Variants in IMMP2L observed in about 807,000 individuals in gnomAD.
IMMP2L encodes inner mitochondrial membrane peptidase subunit 2.
IMMP2L carries 18 observed loss-of-function variants against 19.3 expected under a neutral mutation model. The ratio of observed to expected loss-of-function variants is 0.93; its 90% CI spans 0.64 to 1.38. IMMP2L has a LOEUF of 1.38. Among genes scored for constraint, IMMP2L ranks in the 40% most tolerant of loss-of-function variants. The probability of loss-of-function intolerance (pLI) is 0.00; values close to 1 mark genes in which losing one functional copy is unlikely to be tolerated. For missense variants in IMMP2L, 233 were observed against 218.2 expected (o/e 1.07, Z -0.43); for synonymous variants, 76 against 73.0 (o/e 1.04, Z -0.21).
intron 5 of IMMP2L, among the ~76,000 whole-genome samples, chr7:110,845,171 T>C (rs1379736197): frequency 6.6e-6 from 1 of 152,206 alleles, no homozygotes; most frequent in Non-Finnish European, 1.5e-5. Context: ...GTTCCATGTT[T>C]ATTTGTATAC....
intron 3 of IMMP2L, among the ~76,000 whole-genome samples, chr7:111,144,284 G>A (rs1803241034): frequency 6.6e-6 from 1 of 152,076 alleles, no homozygotes; most frequent in Non-Finnish European, 1.5e-5. Flanking sequence ...TAAACTTCCA[G>A]TTAGACAATA....
At chr7:110,934,343 T>C (rs1402997588) in intron 4 of IMMP2L, among the ~76,000 whole-genome samples, 4 of 152,172 alleles carry the variant, frequency 2.6e-5, no homozygotes, top group Non-Finnish European at 5.9e-5. Context: ...GTTCTGTAGA[T>C]GTCTATAAGG....
intron 5 of IMMP2L, among the ~76,000 whole-genome samples, chr7:110,820,652 T>A (rs962918511): frequency 6.6e-6 from 1 of 152,026 alleles, no homozygotes; most frequent in African/African-American, 2.4e-5. Flanking sequence ...TTCTGACCTT[T>A]AGCAAATTTA....
Position 111,123,051 on chromosome 7 carries a change from C to G in IMMP2L, c.240-159486G>C. The G allele has an allele frequency of 6.2e-7, 1 of 1,613,780 alleles. No individual in the cohort carries two copies. The highest frequency in any genetic ancestry group is 8.5e-7 in the Non-Finnish European group (1 of 1,179,900). Reference sequence around the variant, plus strand: ...AATACTCCACAGACTTTCCAGTAAACCTTACTGGCCTGGATTTATCTCAAA... The same window carrying G: ...AATACTCCACAGACTTTCCAGTAAAGCTTACTGGCCTGGATTTATCTCAAA... On this transcript the variant is annotated intron_variant, in intron 3 of 5. Transcript: ENST00000405709. This position sits in a 1 kb window ranked among gnomAD's most constrained non-coding sequence, Gnocchi z 6.4.
intron 5 of IMMP2L, among the ~76,000 whole-genome samples, chr7:110,850,435 TGCCCC>T (rs1174539786): frequency 1.3e-5 from 2 of 152,116 alleles, no homozygotes; most frequent in African/African-American, 4.8e-5. Context: ...TGCATTGACC[TGCCCC>T]TTGATTTACA....
At chr7:110,852,151 C>A (rs568197966) in intron 5 of IMMP2L, among the ~76,000 whole-genome samples, 2 of 152,136 alleles carry the variant, frequency 1.3e-5, no homozygotes, top group South Asian at 4.2e-4. Flanking sequence ...TTTTATCTTT[C>A]TTCCAAGTGA....
At chr7:110,774,516 C>T (rs1244598489) in intron 5 of IMMP2L, among the ~76,000 whole-genome samples, 1 of 152,028 alleles carries the variant, frequency 6.6e-6, no homozygotes, top group Admixed American at 6.6e-5. Context: ...GTTTTAAAAT[C>T]TTAGGAAGTT....
chr7:110,770,591 T>C (rs1024551538), intron 5 of IMMP2L, among the ~76,000 whole-genome samples: 1 of 152,208 alleles, frequency 6.6e-6, no homozygotes, highest in African/African-American at 2.4e-5. Context: ...GCAGTTGATG[T>C]TCCTGAAGTT....
intron 2 of IMMP2L, among the ~76,000 whole-genome samples, chr7:111,506,850 G>GT (rs1467016278): frequency 6.6e-6 from 1 of 151,942 alleles, no homozygotes; most frequent in Non-Finnish European, 1.5e-5. Flanking sequence ...TTTTGCTTTT[G>GT]TTTTTGTTTG....
chr7:111,387,610 C>T (rs1831895211), intron 3 of IMMP2L, among the ~76,000 whole-genome samples: 1 of 152,104 alleles, frequency 6.6e-6, no homozygotes, highest in Non-Finnish European at 1.5e-5. Context: ...AGTGTTATTG[C>T]CTTGCATAAC....
At chr7:111,553,713 T>C (rs537058174) in intron 1 of IMMP2L, among the ~76,000 whole-genome samples, 2 of 152,312 alleles carry the variant, frequency 1.3e-5, no homozygotes, top group South Asian at 2.1e-4. Flanking sequence ...TTCAACCTTG[T>C]AGCATTACAC....
At chr7:110,986,171 TA>T (rs1429327186) in intron 3 of IMMP2L, among the ~76,000 whole-genome samples, 1 of 152,128 alleles carries the variant, frequency 6.6e-6, no homozygotes, top group African/African-American at 2.4e-5. Context: ...TGATTCCATC[TA>T]TCTGCTCAGA....
At chr7:111,334,313 A>G (rs975805541) in intron 3 of IMMP2L, among the ~76,000 whole-genome samples, 1 of 151,866 alleles carries the variant, frequency 6.6e-6, no homozygotes, top group South Asian at 2.1e-4. Flanking sequence ...TGAACATGTT[A>G]TATTTGCCTT....
chr7:110,933,071 G>T (rs989569337), intron 4 of IMMP2L, among the ~76,000 whole-genome samples: 4 of 152,210 alleles, frequency 2.6e-5, no homozygotes, highest in African/African-American at 9.6e-5. Context: ...GGAAACGACA[G>T]CTATATTAAC....
intron 5 of IMMP2L, among the ~76,000 whole-genome samples, chr7:110,713,269 T>C (rs2130717857): frequency 6.6e-6 from 1 of 152,310 alleles, no homozygotes; most frequent in South Asian, 2.1e-4. Context: ...TTGGTCTACA[T>C]GTCTGTTTTT....
At chr7:111,327,285 C>T (rs1481895402) in intron 3 of IMMP2L, among the ~76,000 whole-genome samples, 3 of 151,672 alleles carry the variant, frequency 2.0e-5, no homozygotes, top group African/African-American at 7.3e-5. Flanking sequence ...TTCAGTTAAG[C>T]AAGATAATAA....
intron 5 of IMMP2L, among the ~76,000 whole-genome samples, chr7:110,847,508 C>T (rs1053232519): frequency 2.0e-5 from 3 of 152,100 alleles, no homozygotes; most frequent in Admixed American, 6.6e-5. Context: ...CTAACTTGAG[C>T]TGTAGGTTCA....
chr7:111,334,174 A>G (rs1286901304), intron 3 of IMMP2L, among the ~76,000 whole-genome samples: 1 of 151,876 alleles, frequency 6.6e-6, no homozygotes, highest in Non-Finnish European at 1.5e-5. Context: ...GTGGTAATAA[A>G]TACATATTAT....
intron 5 of IMMP2L, among the ~76,000 whole-genome samples, chr7:110,785,087 TATG>T (rs1562973383): frequency 6.6e-6 from 1 of 151,932 alleles, no homozygotes. Flanking sequence ...TAGATTCAGA[TATG>T]ATAAGTAAAT....
Sources: gnomAD v4.1 joint callset for allele counts (sites outside exome capture counted in the v4.1 genomes callset) on GRCh38, gnomAD v4.1.1 for gene constraint, Gnocchi (gnomAD v3.1) non-coding constraint, MANE v1.5 for transcripts, NCBI Gene and HGNC (gene_info 2026-07-23, HGNC 2026-07-21) for gene names.